NT5M: variants seen among roughly 807,000 people sequenced by gnomAD.
NT5M encodes 5',3'-nucleotidase, mitochondrial.
In NT5M, 22 loss-of-function variants were observed where a neutral mutation model predicts 22.2. The ratio of observed to expected loss-of-function variants is 0.99; its 90% CI spans 0.71 to 1.41. The LOEUF (loss-of-function observed/expected upper bound fraction) is 1.41. Among genes scored for constraint, NT5M ranks in the 40% most tolerant of loss-of-function variants. NT5M has a pLI of 0.00. For missense variants in NT5M, 322 were observed against 314.8 expected (o/e 1.02, Z -0.17); for synonymous variants, 167 against 133.0 (o/e 1.26, Z -1.76).
chr17:17,318,198 C>T (rs1189641187), intron 2 of NT5M, among the ~76,000 whole-genome samples: 2 of 151,876 alleles, frequency 1.3e-5, no homozygotes, highest in East Asian at 1.9e-4. Context: ...GAATGACTGC[C>T]GGGCATGGTG....
chr17:17,321,299 C>G (rs183093812), intron 2 of NT5M, among the ~76,000 whole-genome samples: 10 of 151,618 alleles, frequency 6.6e-5, no homozygotes, highest in Admixed American at 3.3e-4. Context: ...TTCCAGCACA[C>G]GTTTGAATAA....
chr17:17,336,692 A>G (rs574753738), intron 3 of NT5M, among the ~76,000 whole-genome samples: 18 of 151,958 alleles, frequency 1.2e-4, no homozygotes, highest in African/African-American at 4.1e-4. Flanking sequence ...CTGGGACTAC[A>G]GGCATGCACC....
intron 4 of NT5M, among the ~76,000 whole-genome samples, chr17:17,346,102 C>T (rs1567904041): frequency 6.6e-6 from 1 of 152,224 alleles, no homozygotes; most frequent in Non-Finnish European, 1.5e-5. Flanking sequence ...ACCTCCATCA[C>T]TGCGTCCAGA....
intron 3 of NT5M, among the ~76,000 whole-genome samples, chr17:17,339,759 TTGATA>T (rs1408173381): frequency 1.3e-5 from 2 of 152,216 alleles, no homozygotes; most frequent in African/African-American, 4.8e-5. Flanking sequence ...CTTCATTCTG[TTGATA>T]TGATATATCA....
intron 2 of NT5M, among the ~76,000 whole-genome samples, chr17:17,313,766 G>A (rs574055125): frequency 6.6e-5 from 10 of 152,200 alleles, no homozygotes; most frequent in Non-Finnish European, 1.3e-4. Context: ...GCTGCTCCCC[G>A]GGAGGCCACG....
intron 2 of NT5M, among the ~76,000 whole-genome samples, chr17:17,321,223 C>T (rs886122713): frequency 2.0e-5 from 3 of 149,810 alleles, no homozygotes; most frequent in Admixed American, 1.3e-4. Flanking sequence ...AGCGGGCATT[C>T]GGGAGGTGCC....
chr17:17,321,197 A>T (rs2049144566), intron 2 of NT5M, among the ~76,000 whole-genome samples: 1 of 151,482 alleles, frequency 6.6e-6, no homozygotes, highest in South Asian at 2.1e-4. Context: ...ATGAGGAGTC[A>T]TGGAGAAGGA....
At chr17:17,345,259 T>C (rs1180506319) in intron 4 of NT5M, 1 of 1,066,718 alleles carries the variant, frequency 9.4e-7, no homozygotes, top group Non-Finnish European at 1.1e-6. Flanking sequence ...CCAAAAGCAA[T>C]GTGGACTGAT....
At chr17:17,304,740 G>T (rs557932616) in intron 1 of NT5M, among the ~76,000 whole-genome samples, 3 of 152,246 alleles carry the variant, frequency 2.0e-5, no homozygotes, top group African/African-American at 7.2e-5. Context: ...CAGGGGCTCA[G>T]TCAGGACTCA....
At chr17:17,306,794 G>A (rs2048812069) in intron 2 of NT5M, 151 bp downstream of exon 2, 2 of 627,480 alleles carry the variant, frequency 3.2e-6, no homozygotes, top group Non-Finnish European at 5.7e-6. Flanking sequence ...CTGAGCCTGG[G>A]GAAAACCACC....
chr17:17,326,178 A>G (rs1010476088), intron 3 of NT5M, among the ~76,000 whole-genome samples: 2 of 152,104 alleles, frequency 1.3e-5, no homozygotes, highest in African/African-American at 4.8e-5. Context: ...CTTTATTCTC[A>G]CTTTTGAGGT....
In NT5M at chr17:17,303,686, C is replaced by T. The variant is rs754355537; in HGVS notation, c.136C>T (p.Leu46=). Residue 46 remains leucine, a synonymous_variant, in exon 1 of 5, where the codon CTG becomes TTG. Transcript: ENST00000389022. The part of the protein sequence containing the change: ...LRVLVDMDGV[L]ADFEGGFLRK... ...GGTGCTGGTGGACATGGACGGCGTG[C>T]TGGCTGACTTCGAGGGCGGATTCCT... 6.3e-7 allele frequency: 1 copy of T among 1,585,848 alleles called. No homozygotes were observed.
chr17:17,317,072 CAG>C (rs1272055262), intron 2 of NT5M, among the ~76,000 whole-genome samples: 3 of 128,230 alleles, frequency 2.3e-5, no homozygotes, highest in South Asian at 2.5e-4. Context: ...TTTTTTGAGA[CAG>C]AGTCTCGCTC....
At chr17:17,304,550 T>A in intron 1 of NT5M, 1 of 544,502 alleles carries the variant, frequency 1.8e-6, no homozygotes, top group Non-Finnish European at 2.3e-6. Context: ...AGGCTGAGTG[T>A]TTTTTGGCAT....
Position 17,303,521 on chromosome 17 carries a change from C to T in NT5M, c.-30C>T, listed in dbSNP as rs1323617245. ...GGCAGCACGGCGCGGCCCAGGTCCC[C>T]GCGCCCACGACGGGCCAGCGCGCTG... On this transcript the variant is annotated 5_prime_UTR_variant, in exon 1 of 5. Coordinates refer to ENST00000389022, the MANE Select transcript of NT5M (RefSeq NM_020201.4). 6 of 1,032,262 alleles carry T rather than the reference C, an allele frequency of 5.8e-6. No individual in the cohort carries two copies. In the African/African-American group the frequency reaches 1.0e-4, roughly 18 times the overall value. 63.9% of individuals were successfully genotyped at this position (1,032,262 alleles called of 1,614,324 possible). A position where few individuals can be genotyped will look rare whatever the true frequency, so the allele number is the denominator to read the frequency against.
At chr17:17,337,714 G>A (rs1288351374) in intron 3 of NT5M, among the ~76,000 whole-genome samples, 2 of 152,126 alleles carry the variant, frequency 1.3e-5, no homozygotes, top group Non-Finnish European at 2.9e-5. Flanking sequence ...TTTGAGAAAT[G>A]TCTATTTAGA....
chr17:17,313,056 G>A (rs2048953069), intron 2 of NT5M, among the ~76,000 whole-genome samples: 1 of 152,084 alleles, frequency 6.6e-6, no homozygotes, highest in South Asian at 2.1e-4. Flanking sequence ...GATCACCTGA[G>A]GTCAGGAGTT....
Position 17,303,574 on chromosome 17 carries a change from T to TGCGCGGCGGCTCTGCA in NT5M, c.34_49dup (p.Val17AlafsTer37), listed in dbSNP as rs1458067122. 4.4e-6 allele frequency: 5 copies of TGCGCGGCGGCTCTGCA among 1,131,882 alleles called. No individual in the cohort carries two copies. Among genetic ancestry groups the TGCGCGGCGGCTCTGCA allele is most frequent in the Non-Finnish European group, 4.3e-6 (4 of 921,116 alleles). The allele number at this position is 1,131,882 out of a possible 1,614,324, so 70.1% of individuals were successfully genotyped here. On this transcript the variant is annotated frameshift_variant, in exon 1 of 5. Transcript: ENST00000389022. LOFTEE classifies it high-confidence loss of function. ...CCATGATCCGGCTGGGCGGCTGGTG[T>TGCGCGGCGGCTCTGCA]GCGCGGCGGCTCTGCAGCGCGGCGG... is the stretch of plus-strand genomic sequence containing the variant.
chr17:17,311,467 C>A (rs1461682792), intron 2 of NT5M, among the ~76,000 whole-genome samples: 2 of 152,066 alleles, frequency 1.3e-5, no homozygotes, highest in Non-Finnish European at 2.9e-5. Flanking sequence ...ATCTTGTTGT[C>A]CCAGTTTCAT....
Sources: allele counts gnomAD v4.1 joint callset (sites outside exome capture counted in the v4.1 genomes callset), GRCh38; gene constraint gnomAD v4.1.1; transcripts MANE v1.5; gene names NCBI Gene and HGNC (gene_info 2026-07-23, HGNC 2026-07-21).